RNLS: variants seen among roughly 807,000 people sequenced by gnomAD.
RNLS encodes the protein renalase, FAD dependent amine oxidase.
In RNLS, 39 loss-of-function variants were observed where a neutral mutation model predicts 39.8. The ratio of observed to expected loss-of-function variants is 0.98; its 90% CI spans 0.76 to 1.28. The LOEUF is 1.28. RNLS is among the 50% of genes most tolerant of loss of function. The pLI is 0.00. For synonymous variants in RNLS, 147 were observed against 150.7 expected, an observed-to-expected ratio of 0.98 and a Z score of 0.18; for missense variants, 410 against 413.3, an observed-to-expected ratio of 0.99 and a Z score of 0.07.
At chr10:88,444,962 C>T (rs1028904735) in intron 4 of RNLS, among the ~76,000 whole-genome samples, 1 of 152,124 alleles carries the variant, frequency 6.6e-6, no homozygotes, top group African/African-American at 2.4e-5. Context: ...TCAGGAAATA[C>T]AGAGAATGCC....
chr10:88,191,348 CT>C, the RNLS span, among the ~76,000 whole-genome samples: 2 of 151,948 alleles, frequency 1.3e-5, no homozygotes, highest in African/African-American at 4.8e-5. Flanking sequence ...AGTTCTCTCT[CT>C]TTTTAGTTTC....
At chr10:88,581,223 T>C (rs1044533483) in intron 3 of RNLS, among the ~76,000 whole-genome samples, 15 of 151,288 alleles carry the variant, frequency 9.9e-5, no homozygotes, top group African/African-American at 3.1e-4. Flanking sequence ...GAATCATTTA[T>C]GCAAAATTAT....
the RNLS span, among the ~76,000 whole-genome samples, chr10:88,185,928 C>A: frequency 2.0e-5 from 3 of 152,258 alleles, no homozygotes; most frequent in Admixed American, 6.5e-5. Context: ...AATGGAGAAG[C>A]CTTTTCTCAC....
chr10:88,534,311 GC>G (rs1847617230), intron 4 of RNLS, among the ~76,000 whole-genome samples: 1 of 152,098 alleles, frequency 6.6e-6, no homozygotes, highest in Non-Finnish European at 1.5e-5. Context: ...CCCCTGTGTA[GC>G]TGTGTGACCT....
intron 3 of RNLS, among the ~76,000 whole-genome samples, chr10:88,574,733 A>C (rs1850056845): frequency 1.3e-5 from 2 of 152,224 alleles, no homozygotes; most frequent in African/African-American, 4.8e-5. Context: ...TTCAAAGATT[A>C]GAGCAAGGGG....
chr10:88,396,456 T>C (rs1852562475), intron 4 of RNLS, among the ~76,000 whole-genome samples: 1 of 151,186 alleles, frequency 6.6e-6, no homozygotes, highest in African/African-American at 2.4e-5. Flanking sequence ...TGACTACTAA[T>C]AAAATAACTT....
At chr10:88,401,620 A>C (rs1373495251) in intron 4 of RNLS, among the ~76,000 whole-genome samples, 1 of 151,976 alleles carries the variant, frequency 6.6e-6, no homozygotes, top group Non-Finnish European at 1.5e-5. Context: ...TACCACACAA[A>C]ATGATGTCTT....
chr10:88,442,523 C>A (rs1236806712), intron 4 of RNLS, among the ~76,000 whole-genome samples: 1 of 152,136 alleles, frequency 6.6e-6, no homozygotes, highest in African/African-American at 2.4e-5. Context: ...TGCCAGAGCC[C>A]TGATGGTTTT....
chr10:88,289,321 T>C (rs1365880887), intron 6 of RNLS, among the ~76,000 whole-genome samples: 1 of 152,160 alleles, frequency 6.6e-6, no homozygotes, highest in Non-Finnish European at 1.5e-5. Context: ...ACCCTTGTCC[T>C]TGCCACTTCT....
intron 4 of RNLS, among the ~76,000 whole-genome samples, chr10:88,484,537 G>T (rs1844380191): frequency 6.6e-6 from 1 of 151,910 alleles, no homozygotes; most frequent in African/African-American, 2.4e-5. Flanking sequence ...AGGGGAAAAA[G>T]AACTTATGAG....
rs920018224 is a variant in RNLS, at chr10:88,362,817, C to T, written c.527-92G>A. The T allele has an allele frequency of 2.7e-5, 29 of 1,092,626 alleles. 1 individual carries two copies. In the South Asian group the frequency reaches 5.0e-4, roughly 19 times the overall value. 67.7% of individuals were successfully genotyped at this position (1,092,626 alleles called of 1,614,324 possible). A position where few individuals can be genotyped will look rare whatever the true frequency, so the allele number is the denominator to read the frequency against. On this transcript the variant is annotated intron_variant, in intron 4 of 6. Transcript: ENST00000331772. ...TAAAATTCCTTTAAACCAGTTACAA[C>T]AGCTTCCACCAACTCCATCTCACTT... is the stretch of plus-strand genomic sequence containing the variant.
intron 3 of RNLS, among the ~76,000 whole-genome samples, chr10:88,575,266 A>ATG (rs113818151): frequency 0.018 from 2,516 of 142,592 alleles, 93 homozygotes; most frequent in African/African-American, 0.06. Flanking sequence ...GTATATGTAT[A>ATG]TGTGTGTGTG....
intron 4 of RNLS, among the ~76,000 whole-genome samples, chr10:88,435,686 G>A (rs933737686): frequency 6.6e-6 from 1 of 152,036 alleles, no homozygotes; most frequent in Non-Finnish European, 1.5e-5. Context: ...CAGCTGCAGG[G>A]CAAAAGGAAA....
chr10:88,497,084 G>T (rs1046214275), intron 4 of RNLS, among the ~76,000 whole-genome samples: 1 of 152,068 alleles, frequency 6.6e-6, no homozygotes, highest in Non-Finnish European at 1.5e-5. Flanking sequence ...TAGCATCAGA[G>T]GTAGGGTCAG....
At chr10:88,314,346 C>T in intron 6 of RNLS, 120 bp downstream of exon 6, 1 of 1,029,754 alleles carries the variant, frequency 9.7e-7, no homozygotes, top group South Asian at 1.7e-5. Context: ...CACATATTTG[C>T]TCCAAGGATC....
chr10:88,306,097 A>G (rs541064484), intron 6 of RNLS, among the ~76,000 whole-genome samples: 3 of 152,236 alleles, frequency 2.0e-5, no homozygotes, highest in African/African-American at 7.2e-5. Context: ...ATAATGAAAT[A>G]AAGACAGAAA....
At chr10:88,564,717 T>C (rs1360764802) in intron 4 of RNLS, among the ~76,000 whole-genome samples, 2 of 152,136 alleles carry the variant, frequency 1.3e-5, no homozygotes, top group African/African-American at 4.8e-5. Context: ...AATAAGAATA[T>C]AGAGAAAGTA....
At chr10:88,248,609 A>G in the RNLS span, among the ~76,000 whole-genome samples, 1 of 152,282 alleles carries the variant, frequency 6.6e-6, no homozygotes, top group East Asian at 1.9e-4. Flanking sequence ...TGTATTATTC[A>G]ATATTCCAAG....
the RNLS span, among the ~76,000 whole-genome samples, chr10:88,245,135 G>T: frequency 1.3e-5 from 2 of 152,232 alleles, no homozygotes; most frequent in Admixed American, 1.3e-4. Flanking sequence ...AGTTTATCTG[G>T]CATCAGCTCG....
Sources: allele counts gnomAD v4.1 joint callset (sites outside exome capture counted in the v4.1 genomes callset), GRCh38; gene constraint gnomAD v4.1.1; transcripts MANE v1.5; gene names NCBI Gene and HGNC (gene_info 2026-07-23, HGNC 2026-07-21).